Variants in LIG1 observed in about 807,000 individuals in gnomAD.
The protein encoded by LIG1 is ligase I, DNA, ATP-dependent.
Under a neutral mutation model 115.7 loss-of-function variants are expected in LIG1, and 70 were observed. That is an observed-to-expected ratio of 0.60 (90% CI 0.50 to 0.74). The LOEUF is 0.74. Among genes scored for constraint, LIG1 ranks in the 30% least tolerant of loss-of-function variants. The pLI, the probability that LIG1 is intolerant of heterozygous loss-of-function variation, is 0.00. For synonymous variants in LIG1, 487 were observed against 495.3 expected (o/e 0.98, Z 0.22); for missense variants, 1,115 against 1,225.6 (o/e 0.91, Z 1.35).
intron 4 of LIG1, among the ~76,000 whole-genome samples, chr19:48,157,885 G>T (rs1456366092): frequency 1.3e-5 from 2 of 152,166 alleles, no homozygotes; most frequent in African/African-American, 4.8e-5. Context: ...CCTCCAGATC[G>T]CATGTTGCAA....
chr19:48,167,823 C>A (rs773165741), intron 1 of LIG1, among the ~76,000 whole-genome samples: 36 of 128,674 alleles, frequency 2.8e-4, no homozygotes, highest in South Asian at 7.7e-4. Context: ...GAGACCCCGT[C>A]TTAAAAAAAA....
intron 12 of LIG1, among the ~76,000 whole-genome samples, chr19:48,139,499 G>A (rs1406459842): frequency 6.6e-6 from 1 of 151,860 alleles, no homozygotes; most frequent in Non-Finnish European, 1.5e-5. Context: ...GATAAGCACC[G>A]AGCACTCCAG....
Position 48,123,027 on chromosome 19 carries a change from C to G in LIG1, c.2150-11G>C, listed in dbSNP as rs1461731465. Reference sequence around the variant, plus strand: ...GCCCCTCGCAGGAGTCTGAGGGAGACACAGAAGCGTGGTCCTTGGGAAGCC... The same window carrying G: ...GCCCCTCGCAGGAGTCTGAGGGAGAGACAGAAGCGTGGTCCTTGGGAAGCC... On this transcript the variant is annotated splice_polypyrimidine_tract_variant and intron_variant, in intron 22 of 27. Transcript: ENST00000263274. 1.2e-6 allele frequency: 2 copies of G among 1,613,606 alleles called. No individual in the cohort carries two copies. Among genetic ancestry groups the G allele is most frequent in the African/African-American group, 2.7e-5 (2 of 74,842 alleles).
chr19:48,126,745 A>ATT (rs758287154), intron 21 of LIG1, among the ~76,000 whole-genome samples: 3 of 145,960 alleles, frequency 2.1e-5, no homozygotes, highest in Non-Finnish European at 3.0e-5. Flanking sequence ...AATAATATTA[A>ATT]TTTTTTTTTT....
intron 6 of LIG1, among the ~76,000 whole-genome samples, chr19:48,153,496 CCAAA>C (rs2035602238): frequency 2.0e-5 from 3 of 152,044 alleles, no homozygotes; most frequent in African/African-American, 7.2e-5. Flanking sequence ...ATTAAGATGT[CCAAA>C]CAAATATATC....
intron 18 of LIG1, 23 bp downstream of exon 18, chr19:48,132,959 G>A (rs1291308042): frequency 6.6e-7 from 1 of 1,523,884 alleles, no homozygotes; most frequent in Non-Finnish European, 9.1e-7. Context: ...GTCTGTGGAA[G>A]GGACATGTCC....
At chr19:48,151,721 C>T (rs531647232) in intron 6 of LIG1, among the ~76,000 whole-genome samples, 1 of 152,228 alleles carries the variant, frequency 6.6e-6, no homozygotes, top group East Asian at 1.9e-4. Flanking sequence ...CTATCTTGTG[C>T]CAATCCAATG....
chr19:48,161,605 CTTCCT>C (rs1466025512), intron 3 of LIG1, 98 bp from the exon 4 acceptor site: 64 of 1,405,908 alleles, frequency 4.6e-5, no homozygotes, highest in Non-Finnish European at 6.2e-5. Flanking sequence ...GTTTCCTTCC[CTTCCT>C]TTCAAGCATC....
chr19:48,159,359 C>T (rs974206138), intron 4 of LIG1, among the ~76,000 whole-genome samples: 7 of 152,190 alleles, frequency 4.6e-5, no homozygotes, highest in African/African-American at 1.4e-4. Flanking sequence ...CGTGAGCCAT[C>T]ATGCCTGGCC....
intron 17 of LIG1, 34 bp downstream of exon 17, chr19:48,133,947 C>T: frequency 6.5e-7 from 1 of 1,531,564 alleles, no homozygotes; most frequent in Non-Finnish European, 8.9e-7. Flanking sequence ...AGCAGGGCTG[C>T]TGCCAGGCTG....
intron 15 of LIG1, 104 bp downstream of exon 15, chr19:48,135,930 G>T: frequency 1.1e-6 from 1 of 935,800 alleles, no homozygotes. Context: ...GCCTGGTATG[G>T]CAGGGGCCCG....
At chr19:48,157,169 G>C (rs2035903879) in intron 4 of LIG1, 29 bp from the exon 5 acceptor site, 1 of 1,583,126 alleles carries the variant, frequency 6.3e-7, no homozygotes, top group Admixed American at 1.8e-5. Context: ...GTTCTAGAGT[G>C]AGCGGGGGAA....
At chr19:48,129,113 T>C (rs1442582328) in intron 19 of LIG1, among the ~76,000 whole-genome samples, 1 of 151,872 alleles carries the variant, frequency 6.6e-6, no homozygotes, top group African/African-American at 2.4e-5. Context: ...CGTGCAGTGG[T>C]GCAATCTCCG....
At chr19:48,146,974 C>G (rs753029573) in intron 9 of LIG1, among the ~76,000 whole-genome samples, 12 of 152,176 alleles carry the variant, frequency 7.9e-5, no homozygotes, top group Non-Finnish European at 1.6e-4. Context: ...TCCCTTCCTC[C>G]ACAGGAATAC....
chr19:48,166,823 T>G (rs1284069797), intron 1 of LIG1, among the ~76,000 whole-genome samples: 2 of 151,598 alleles, frequency 1.3e-5, no homozygotes, highest in African/African-American at 4.9e-5. Context: ...ATACAAAAAT[T>G]AGCCAGGTAT....
chr19:48,140,283 G>C (rs2034659520), intron 11 of LIG1, 140 bp from the exon 12 acceptor site: 1 of 639,680 alleles, frequency 1.6e-6, no homozygotes, highest in African/African-American at 1.8e-5. Context: ...CCCAGGCTCT[G>C]GGGCCTGGAG....
intron 24 of LIG1, 21 bp from the exon 25 acceptor site, chr19:48,119,211 G>A: frequency 1.9e-6 from 3 of 1,576,610 alleles, no homozygotes; most frequent in South Asian, 1.2e-5. Flanking sequence ...GAAGCGGGAG[G>A]TCAGAGGCTC....
intron 19 of LIG1, among the ~76,000 whole-genome samples, chr19:48,130,660 C>CG (rs1357417860): frequency 6.6e-6 from 1 of 152,088 alleles, no homozygotes; most frequent in Non-Finnish European, 1.5e-5. Flanking sequence ...CAGTCCACGG[C>CG]GGGGGAGGGG....
intron 9 of LIG1, among the ~76,000 whole-genome samples, 189 bp from the exon 10 acceptor site, chr19:48,144,152 T>C (rs2034965699): frequency 6.6e-6 from 1 of 152,084 alleles, no homozygotes; most frequent in Admixed American, 6.6e-5. Flanking sequence ...AGCCCCCACA[T>C]AAACACATCA....
Sources: gnomAD v4.1 joint callset for allele counts (sites outside exome capture counted in the v4.1 genomes callset) on GRCh38, gnomAD v4.1.1 for gene constraint, MANE v1.5 for transcripts, NCBI Gene and HGNC (gene_info 2026-07-23, HGNC 2026-07-21) for gene names.